NUP210L: variants seen among roughly 807,000 people sequenced by gnomAD.
The protein encoded by NUP210L is nuclear pore membrane glycoprotein 210-like.
In NUP210L, 74 loss-of-function variants were observed where a neutral mutation model predicts 208.5. The ratio of observed to expected loss-of-function variants is 0.35; its 90% CI spans 0.29 to 0.43. NUP210L has a LOEUF of 0.43. NUP210L is among the 20% of genes least tolerant of loss of function. The pLI is 1.00. For missense variants in NUP210L, 1,843 were observed against 2,289.4 expected, an observed-to-expected ratio of 0.81 and a Z score of 3.98; for synonymous variants, 780 against 816.9, an observed-to-expected ratio of 0.95 and a Z score of 0.77.
chr1:154,000,830 T>A, intron 37 of NUP210L, 26 bp downstream of exon 37: 1 of 1,588,546 alleles, frequency 6.3e-7, no homozygotes, highest in Non-Finnish European at 8.6e-7. Context: ...CTCTCTAGAT[T>A]ATAAATAGGA....
intron 17 of NUP210L, among the ~76,000 whole-genome samples, chr1:154,067,543 G>T (rs1384901538): frequency 6.6e-6 from 1 of 152,198 alleles, no homozygotes; most frequent in Admixed American, 6.5e-5. Flanking sequence ...ACAAGACAGG[G>T]ATGCCCTCTC....
intron 15 of NUP210L, 141 bp from the exon 16 acceptor site, chr1:154,089,735 A>G: frequency 1.5e-6 from 1 of 659,602 alleles, no homozygotes; most frequent in Non-Finnish European, 2.6e-6. Context: ...CCTTAAAGAC[A>G]TTATAGTTCT....
intron 13 of NUP210L, among the ~76,000 whole-genome samples, chr1:154,103,685 A>G (rs1334495544): frequency 3.3e-5 from 5 of 150,650 alleles, no homozygotes; most frequent in Admixed American, 1.3e-4. Context: ...AAAAAAAAAA[A>G]AAAGAAAAAA....
chr1:154,134,486 C>G (rs1423057306), intron 7 of NUP210L, among the ~76,000 whole-genome samples: 11 of 148,172 alleles, frequency 7.4e-5, no homozygotes, highest in African/African-American at 2.5e-4. Context: ...GCCTGTAATC[C>G]CAGCACTTTG....
chr1:153,997,014 A>G, intron 37 of NUP210L, among the ~76,000 whole-genome samples: 1 of 151,858 alleles, frequency 6.6e-6, no homozygotes, highest in East Asian at 1.9e-4. Flanking sequence ...CCCAGGCTGC[A>G]GTGCAATGGC....
Position 154,038,803 on chromosome 1 carries a change from A to G in NUP210L, c.3696+7266T>C, listed in dbSNP as rs544103824. 1.6e-4 allele frequency among the ~76,000 whole-genome samples: 25 copies of G among 152,280 alleles called. No individual in the cohort carries two copies. The South Asian group carries it at 4.1e-3, about 25-fold the overall frequency. ...ATTTGAGGTTACAATAATGCTTGCA[A>G]ATAACATCTTATAACCTGTTACTTT... On this transcript the variant is annotated intron_variant, in intron 27 of 39. Transcript: ENST00000368559.
intron 27 of NUP210L, among the ~76,000 whole-genome samples, chr1:154,040,791 C>T (rs1225373659): frequency 6.6e-6 from 1 of 152,034 alleles, no homozygotes; most frequent in Non-Finnish European, 1.5e-5. Flanking sequence ...TGGGGTTTCA[C>T]CATGTTAGCC....
chr1:154,010,403 T>G (rs1650840046), intron 34 of NUP210L, among the ~76,000 whole-genome samples: 1 of 152,116 alleles, frequency 6.6e-6, no homozygotes, highest in African/African-American at 2.4e-5. Context: ...AGATGAAGTC[T>G]TGCTCTGTCG....
chr1:154,113,168 ATAT>A (rs769488220), intron 12 of NUP210L, among the ~76,000 whole-genome samples: 1 of 119,522 alleles, frequency 8.4e-6, no homozygotes, highest in East Asian at 2.2e-4. Flanking sequence ...AAAAAAAAAA[ATAT>A]ATATATATAT....
Position 153,994,249 on chromosome 1 carries a change from TAGTGGTTTCCACTTCTG to T in NUP210L, c.5491+810_5491+826del, listed in dbSNP as rs1439876112. 2.0e-5 allele frequency among the ~76,000 whole-genome samples: 3 copies of T among 152,208 alleles called. No individual in the cohort carries two copies. The East Asian group carries it at 5.8e-4, about 29-fold the overall frequency. The stretch of plus-strand genomic sequence containing the variant: ...GTAGCTGTTATACCTCAAGATTTAG[TAGTGGTTTCCACTTCTG>T]AGTGGTGTGTGTTTGCCAAATCCAG... On this transcript the variant is annotated intron_variant, in intron 38 of 39. Coordinates refer to ENST00000368559, the Ensembl canonical transcript of NUP210L.
At chr1:154,099,222 G>A (rs868322654) in intron 14 of NUP210L, among the ~76,000 whole-genome samples, 12 of 152,086 alleles carry the variant, frequency 7.9e-5, no homozygotes, top group African/African-American at 2.9e-4. Context: ...AGTGGGGCTG[G>A]GGCAGGGGTG....
chr1:154,133,367 A>C (rs1380324621), intron 7 of NUP210L, among the ~76,000 whole-genome samples: 1 of 151,682 alleles, frequency 6.6e-6, no homozygotes, highest in Non-Finnish European at 1.5e-5. Flanking sequence ...CAGCCTACTC[A>C]GCCTAGCAAG....
At chr1:154,024,432 A>G (rs1651739726) in intron 30 of NUP210L, among the ~76,000 whole-genome samples, 2 of 152,208 alleles carry the variant, frequency 1.3e-5, no homozygotes, top group South Asian at 4.1e-4. Flanking sequence ...CGAACATAGT[A>G]TATAGTAGAT....
chr1:154,119,955 T>G (rs907844888), intron 10 of NUP210L, among the ~76,000 whole-genome samples: 7 of 152,218 alleles, frequency 4.6e-5, no homozygotes, highest in Non-Finnish European at 4.4e-5. Context: ...TCTAGATCCT[T>G]GAGGAATCGC....
At chr1:154,063,946 T>C (rs1210821854) in intron 17 of NUP210L, among the ~76,000 whole-genome samples, 1 of 150,186 alleles carries the variant, frequency 6.7e-6, no homozygotes, top group Non-Finnish European at 1.5e-5. Context: ...AGCACTAAAG[T>C]ACATATATTA....
intron 13 of NUP210L, among the ~76,000 whole-genome samples, chr1:154,102,170 T>C (rs1318958693): frequency 1.3e-5 from 2 of 151,692 alleles, no homozygotes; most frequent in Non-Finnish European, 2.9e-5. Context: ...AAACAAAAAT[T>C]AAATAAAAAT....
In NUP210L at chr1:154,135,937, A is replaced by G. The variant is rs939621032; in HGVS notation, c.886T>C (p.Leu296=). ...TTAAGTGCAACTCTATGGTCTTGCA[A>G]TTCCAGTATATAATGTTCCAGGGGA... The change falls in exon 7 of 40, where the codon TTG becomes CTG. Residue 296 remains leucine (L), a synonymous_variant. Coordinates refer to ENST00000368559, the Ensembl canonical transcript of NUP210L. 5 of 1,606,560 alleles carry G rather than the reference A, an allele frequency of 3.1e-6. No individual in the cohort carries two copies. In the African/African-American group the frequency reaches 6.7e-5, roughly 21 times the overall value.
intron 27 of NUP210L, among the ~76,000 whole-genome samples, chr1:154,031,606 T>C (rs1001816814): frequency 6.0e-5 from 9 of 149,634 alleles, no homozygotes; most frequent in Non-Finnish European, 1.2e-4. Context: ...CATTTTTAGC[T>C]CCCACAAATA....
In NUP210L at chr1:154,127,912, G is replaced by A. The variant is rs73012870; in HGVS notation, c.1079-495C>T. Reference sequence around the variant, plus strand: ...ACAGGGTCTCACTGTCACAGATGCTGGAGTGCAGTGGTGTCATCATGACTC... The same window carrying A: ...ACAGGGTCTCACTGTCACAGATGCTAGAGTGCAGTGGTGTCATCATGACTC... On this transcript the variant is annotated intron_variant, in intron 8 of 39. Transcript: ENST00000368559. 4.8e-3 allele frequency among the ~76,000 whole-genome samples: 724 copies of A among 151,920 alleles called. 7 individuals are homozygous for A. The highest frequency in any genetic ancestry group is 0.016 in the African/African-American group (660 of 41,474).
Sources: allele counts gnomAD v4.1 joint callset (sites outside exome capture counted in the v4.1 genomes callset), GRCh38; gene constraint gnomAD v4.1.1; transcripts MANE v1.5; gene names NCBI Gene and HGNC (gene_info 2026-07-23, HGNC 2026-07-21).